Variants in UST observed in about 807,000 individuals in gnomAD.
UST encodes the protein chondroitin sulfate 2-O-sulfotransferase.
In UST, 21 loss-of-function variants were observed where a neutral mutation model predicts 45.6. That is an observed-to-expected ratio of 0.46 (90% CI 0.33 to 0.66). The LOEUF (loss-of-function observed/expected upper bound fraction) is 0.66. UST is among the 30% of genes least tolerant of loss of function. The pLI is 0.02. For synonymous variants in UST, 215 were observed against 200.6 expected (o/e 1.07, Z -0.61); for missense variants, 463 against 512.4 (o/e 0.90, Z 0.93).
chr6:148,933,706 A>C (rs1779966009), intron 2 of UST, among the ~76,000 whole-genome samples: 1 of 152,250 alleles, frequency 6.6e-6, no homozygotes, highest in African/African-American at 2.4e-5. Context: ...TGTGTGGCTC[A>C]GATGGTTTGA....
intron 2 of UST, among the ~76,000 whole-genome samples, chr6:148,912,734 C>T (rs758225188): frequency 4.6e-5 from 7 of 152,210 alleles, no homozygotes; most frequent in East Asian, 1.9e-4. Context: ...TGTGATGAAA[C>T]GCCCTCTGAT....
chr6:148,899,729 C>T (rs993647868), intron 2 of UST, among the ~76,000 whole-genome samples: 7 of 152,236 alleles, frequency 4.6e-5, no homozygotes, highest in African/African-American at 9.6e-5. Flanking sequence ...CAGTGGTCCC[C>T]GATGGCGCCC....
At chr6:148,992,691 A>T (rs1292120742) in intron 5 of UST, among the ~76,000 whole-genome samples, 2 of 152,184 alleles carry the variant, frequency 1.3e-5, no homozygotes, top group African/African-American at 4.8e-5. Flanking sequence ...GTAGAATTTT[A>T]AAAATCTCAG....
intron 1 of UST, among the ~76,000 whole-genome samples, chr6:148,777,435 T>G (rs1582805006): frequency 6.6e-6 from 1 of 152,374 alleles, no homozygotes; most frequent in South Asian, 2.1e-4. Context: ...TAATTGACTT[T>G]TATTGTATAG....
chr6:148,758,759 G>C (rs1776145580), intron 1 of UST, among the ~76,000 whole-genome samples: 2 of 152,216 alleles, frequency 1.3e-5, no homozygotes, highest in South Asian at 4.1e-4. Context: ...GTTGCGGCAA[G>C]TGAGAGCCAT....
rs1459000498 is a variant in UST at position 148,748,979 on chromosome 6, C to G, written c.247+1302C>G. On this transcript the variant is annotated intron_variant, in intron 1 of 7. Coordinates refer to ENST00000367463, the MANE Select transcript of UST (RefSeq NM_005715.3). This position sits in a 1 kb window ranked among gnomAD's most constrained non-coding sequence, Gnocchi z 5.3. ...AAAACAAAGCAAAACAAAAACAAAACCACATCAGCCAAGTTACAAATGTGT... is the reference window on the plus strand; with the variant it reads ...AAAACAAAGCAAAACAAAAACAAAAGCACATCAGCCAAGTTACAAATGTGT... Among the ~76,000 whole-genome samples the G allele has an allele frequency of 6.6e-6, 1 of 150,664 alleles. No individual in the cohort carries two copies. The highest frequency in any genetic ancestry group is 1.5e-5 in the Non-Finnish European group (1 of 67,768).
chr6:148,829,724 C>T (rs1377559915), intron 1 of UST, among the ~76,000 whole-genome samples: 2 of 152,138 alleles, frequency 1.3e-5, no homozygotes, highest in East Asian at 1.9e-4. Context: ...TATTCAGAAA[C>T]ACTTGTTTTA....
At chr6:149,072,653 C>CA (rs61680098) in intron 7 of UST, among the ~76,000 whole-genome samples, 142 of 136,514 alleles carry the variant, frequency 1.0e-3, no homozygotes, top group East Asian at 1.8e-3. Flanking sequence ...AACTCCATCT[C>CA]AAAAAAAAAA....
intron 1 of UST, among the ~76,000 whole-genome samples, chr6:148,805,569 G>A (rs1777131921): frequency 6.6e-6 from 1 of 152,160 alleles, no homozygotes; most frequent in Non-Finnish European, 1.5e-5. Flanking sequence ...ACAATAAAAT[G>A]GTGAGGATTT....
chr6:149,066,998 G>T (rs1776741412), intron 7 of UST, among the ~76,000 whole-genome samples: 1 of 152,134 alleles, frequency 6.6e-6, no homozygotes, highest in African/African-American at 2.4e-5. Flanking sequence ...GGGAGGTCCA[G>T]CTTTTTTCTA....
rs571564613 is a variant in UST at position 149,074,967 on chromosome 6, A to G, written c.*851A>G. On this transcript the variant is annotated 3_prime_UTR_variant, in exon 8 of 8. Coordinates refer to ENST00000367463, the MANE Select transcript of UST (RefSeq NM_005715.3). ...CCATTGAGACATTCCATTTCAAAGC[A>G]CCGTGCTGACAGATATCAAAGTACT... 5 of 152,412 alleles carry G rather than the reference A, an allele frequency of 3.3e-5. No individual in the cohort carries two copies. Among genetic ancestry groups the G allele is most frequent in the South Asian group, 4.1e-4 (2 of 4,824 alleles). 9.4% of individuals were successfully genotyped at this position (152,412 alleles called of 1,614,324 possible).
chr6:149,054,292 A>C (rs1245630795), intron 7 of UST, among the ~76,000 whole-genome samples: 2 of 152,212 alleles, frequency 1.3e-5, no homozygotes, highest in Non-Finnish European at 2.9e-5. Flanking sequence ...AAACTCAAGA[A>C]GTGATGAGTA....
intron 2 of UST, among the ~76,000 whole-genome samples, chr6:148,919,355 CAG>C: frequency 6.6e-6 from 1 of 152,248 alleles, no homozygotes; most frequent in South Asian, 2.1e-4. Context: ...AAGGAAATGT[CAG>C]AGTCAGTTAG....
At chr6:148,972,882 ATT>A (rs61252767) in intron 5 of UST, among the ~76,000 whole-genome samples, 49,045 of 148,742 alleles carry the variant, frequency 0.33, 7,909 homozygotes, top group Admixed American at 0.4. Flanking sequence ...GGGCTTTGGG[ATT>A]TTTTTTTTTT....
At chr6:148,817,995 T>A (rs1416464987) in intron 1 of UST, among the ~76,000 whole-genome samples, 1 of 152,192 alleles carries the variant, frequency 6.6e-6, no homozygotes, top group Non-Finnish European at 1.5e-5. Flanking sequence ...CCTAAAATAT[T>A]TACTATCTGA....
chr6:148,999,381 A>G (rs557122511), intron 5 of UST, among the ~76,000 whole-genome samples: 1 of 152,376 alleles, frequency 6.6e-6, no homozygotes, highest in Admixed American at 6.5e-5. Context: ...CTGGGTGGAT[A>G]CCGTAATACA....
Position 148,817,874 on chromosome 6 carries a change from C to G in UST, c.248-69112C>G, listed in dbSNP as rs140477751. Among the ~76,000 whole-genome samples, 574 of 152,254 alleles carry G rather than the reference C, an allele frequency of 3.8e-3. 4 individuals are homozygous for G. The highest frequency in any genetic ancestry group is 0.013 in the African/African-American group (553 of 41,538). Reference sequence around the variant, plus strand: ...GAGTGCCCTGGTTGAAGAGGAAGTTCATTCAGACAGATGGGGGACCTTAGG... The same window carrying G: ...GAGTGCCCTGGTTGAAGAGGAAGTTGATTCAGACAGATGGGGGACCTTAGG... On this transcript the variant is annotated intron_variant, in intron 1 of 7. Coordinates refer to ENST00000367463, the MANE Select transcript of UST (RefSeq NM_005715.3).
intron 5 of UST, among the ~76,000 whole-genome samples, chr6:149,016,557 G>T (rs1775901733): frequency 6.6e-6 from 1 of 152,172 alleles, no homozygotes. Context: ...CACTGGAGAT[G>T]CAGTGAACAG....
intron 1 of UST, among the ~76,000 whole-genome samples, chr6:148,810,507 T>G (rs531594638): frequency 3.3e-5 from 5 of 152,324 alleles, no homozygotes; most frequent in Non-Finnish European, 5.9e-5. Context: ...ATAGTTGCCA[T>G]GCACATAATT....
Sources: gnomAD v4.1 joint callset for allele counts (sites outside exome capture counted in the v4.1 genomes callset) on GRCh38, gnomAD v4.1.1 for gene constraint, Gnocchi (gnomAD v3.1) non-coding constraint, MANE v1.5 for transcripts, NCBI Gene and HGNC (gene_info 2026-07-23, HGNC 2026-07-21) for gene names.